BIRC6: variants seen among roughly 807,000 people sequenced by gnomAD.
BIRC6 encodes dual E2 ubiquitin-conjugating enzyme/E3 ubiquitin-protein ligase BIRC6.
Under a neutral mutation model 503.3 loss-of-function variants are expected in BIRC6, and 98 were observed. The observed-to-expected ratio is 0.19, with a 90% CI of 0.17 to 0.23. BIRC6 has a LOEUF of 0.23. Among genes scored for constraint, BIRC6 ranks in the 10% least tolerant of loss-of-function variants. The probability of loss-of-function intolerance (pLI) is 1.00; values close to 1 mark genes in which losing one functional copy is unlikely to be tolerated. For synonymous variants in BIRC6, 2,240 were observed against 2,078.7 expected (o/e 1.08, Z -2.11); for missense variants, 5,360 against 5,806.0 (o/e 0.92, Z 2.50).
chr2:32,493,435 A>C, intron 44 of BIRC6, 105 bp from the exon 45 acceptor site: 1 of 1,069,276 alleles, frequency 9.4e-7, no homozygotes, highest in Non-Finnish European at 1.3e-6. Context: ...TCGTACGAAA[A>C]GTTACAGTGT....
rs114170350 is a variant in BIRC6, at chr2:32,568,317, C to A, written c.13145-6839C>A. On this transcript the variant is annotated intron_variant, in intron 65 of 73. Coordinates refer to ENST00000421745, the MANE Select transcript of BIRC6 (RefSeq NM_016252.4). ...ACCAGCCTGGGCAACATGGTGAAACCCCAACTCTACGAAAAAATAGAAAAA... is the reference window on the plus strand; with the variant it reads ...ACCAGCCTGGGCAACATGGTGAAACACCAACTCTACGAAAAAATAGAAAAA... Among the ~76,000 whole-genome samples the A allele has an allele frequency of 5.6e-3, 837 of 149,148 alleles. 9 individuals are homozygous for A. Among genetic ancestry groups the A allele is most frequent in the African/African-American group, 0.019 (783 of 40,590 alleles).
chr2:32,502,796 G>C lies in BIRC6; in HGVS notation c.9209G>C (p.Gly3070Ala). Residue 3070 changes from glycine to alanine, a missense_variant and splice_region_variant, in exon 48 of 74, where the codon GGC becomes GCC. This residue lies in a region of BIRC6 where 267 missense variants were observed against 287.6 expected (regional missense o/e 0.93). Transcript: ENST00000421745. ...YMACGYMGRQGSLATCQLSEP... is the reference protein window; with the variant it reads ...YMACGYMGRQASLATCQLSEP... ...TAATATGCATATTTCATTTTTTAGG[G>C]CTCTCTTGCTACTTGCCAGTTATCT... 1.2e-6 allele frequency: 2 copies of C among 1,607,542 alleles called. No individual in the cohort carries two copies. The highest frequency in any genetic ancestry group is 3.3e-4 in the Middle Eastern group (2 of 6,018).
intron 1 of BIRC6, among the ~76,000 whole-genome samples, chr2:32,368,907 C>T (rs1409047466): frequency 6.6e-6 from 1 of 152,164 alleles, no homozygotes; most frequent in African/African-American, 2.4e-5. Context: ...CCTCCTTGGC[C>T]TCCCAAAGTG....
In BIRC6 at chr2:32,501,865, G is replaced by T. The variant is rs2053232217; in HGVS notation, c.9184G>T (p.Ala3062Ser). 1 of 1,611,100 alleles carries T rather than the reference G, an allele frequency of 6.2e-7. No individual in the cohort carries two copies. The highest frequency in any genetic ancestry group is 1.7e-5 in the Admixed American group (1 of 59,304). ...MMLQPILTYM[A>S]CGYMGRQGSL... ...GCTGCAGCCAATTTTAACATACATGGCCTGTGGATATATGGGCAGACAAGT... is the reference window on the plus strand; with the variant it reads ...GCTGCAGCCAATTTTAACATACATGTCCTGTGGATATATGGGCAGACAAGT... The change falls in exon 47 of 74, where the codon GCC becomes TCC. Residue 3062 changes from alanine to serine, a missense_variant. This residue lies in a region of BIRC6 where 267 missense variants were observed against 287.6 expected (regional missense o/e 0.93). Coordinates refer to ENST00000421745, the MANE Select transcript of BIRC6 (RefSeq NM_016252.4).
At chr2:32,495,864 G>GTC (rs1182357088) in intron 45 of BIRC6, among the ~76,000 whole-genome samples, 4 of 144,036 alleles carry the variant, frequency 2.8e-5, no homozygotes, top group Admixed American at 2.1e-4. Flanking sequence ...TTGAGACGGA[G>GTC]TCTCTCTCTG....
chr2:32,497,472 T>G (rs2052613688), intron 45 of BIRC6, among the ~76,000 whole-genome samples: 1 of 152,348 alleles, frequency 6.6e-6, no homozygotes, highest in Non-Finnish European at 1.5e-5. Flanking sequence ...TTTGGTAGCA[T>G]TTGCCATTGA....
Position 32,380,153 on chromosome 2 carries a change from G to T in BIRC6, c.508G>T (p.Ala170Ser). 1.3e-6 allele frequency: 2 copies of T among 1,492,474 alleles called. No individual in the cohort carries two copies. Among genetic ancestry groups the T allele is most frequent in the South Asian group, 2.7e-5 (2 of 73,974 alleles). The allele number at this position is 1,492,474 out of a possible 1,614,324, so 92.5% of individuals were successfully genotyped here. ...VVQLELPVTE[A>S]QQLLSACLEK... ...TTTTTATTTTTTATTTTTTATTTAG[G>T]CACAGCAGCTCTTATCAGCATGTTT... Residue 170 changes from alanine to serine, a missense_variant and splice_region_variant, in exon 3 of 74, where the codon GCA becomes TCA. Ala to Ser is a moderately conservative substitution (Grantham distance 99). Coordinates refer to ENST00000421745, the MANE Select transcript of BIRC6 (RefSeq NM_016252.4).
chr2:32,516,188 A>G (rs1338424366), intron 55 of BIRC6, among the ~76,000 whole-genome samples: 3 of 152,192 alleles, frequency 2.0e-5, no homozygotes, highest in Admixed American at 2.0e-4. Flanking sequence ...ATTAGGTTTC[A>G]GATAGGAGAC....
intron 71 of BIRC6, among the ~76,000 whole-genome samples, chr2:32,604,503 A>G (rs764095755): frequency 8.5e-5 from 13 of 152,212 alleles, no homozygotes; most frequent in Non-Finnish European, 1.8e-4. Context: ...TACTCTTCCA[A>G]AAAGGTAATG....
chr2:32,469,696 A>C, intron 30 of BIRC6, 82 bp downstream of exon 30: 1 of 1,233,252 alleles, frequency 8.1e-7, no homozygotes, highest in Non-Finnish European at 1.1e-6. Flanking sequence ...AAATCTTTGA[A>C]ATGTGGATAC....
rs1309910211 is a variant in BIRC6, at chr2:32,597,857, C to T, written c.13719C>T (p.Ala4573=). 1 of 1,613,826 alleles carries T rather than the reference C, an allele frequency of 6.2e-7. No individual in the cohort carries two copies. The highest frequency in any genetic ancestry group is 2.2e-5 in the East Asian group (1 of 44,866). The change falls in exon 69 of 74, where the codon GCC becomes GCT. Residue 4573 remains alanine (A), a synonymous_variant. Transcript: ENST00000421745. ...ATGCTAATGATGCGAACAGTGCTGCCAGAGCTCGCCGCCTTGCCCAGGAAG... is the reference window on the plus strand; with the variant it reads ...ATGCTAATGATGCGAACAGTGCTGCTAGAGCTCGCCGCCTTGCCCAGGAAG... ...VKNANDANSA[A]RARRLAQEAV...
chr2:32,439,209 AGTT>A (rs777254380), intron 15 of BIRC6, among the ~76,000 whole-genome samples: 3 of 151,156 alleles, frequency 2.0e-5, no homozygotes, highest in Non-Finnish European at 4.4e-5. Flanking sequence ...GTGTGTGTGT[AGTT>A]GATGACATTT....
chr2:32,519,154 A>G, intron 57 of BIRC6: 1 of 460,724 alleles, frequency 2.2e-6, no homozygotes, highest in Non-Finnish European at 3.9e-6. Flanking sequence ...TTTTTGGTTT[A>G]TTGTGTCACA....
At position 32,471,209 on chromosome 2, in the gene BIRC6, C is replaced by A. The variant is rs979202740; in HGVS notation, c.6592+85C>A. 7 of 1,506,736 alleles carry A rather than the reference C, an allele frequency of 4.6e-6. No homozygotes were observed. In the African/African-American group the frequency reaches 6.9e-5, roughly 15 times the overall value. 93.3% of individuals were successfully genotyped at this position (1,506,736 alleles called of 1,614,324 possible). ...GATTTTGAGTGACTTCGCAGTTGTT[C>A]CAGAACTGGCTATTGGCCTGGAGCT... On this transcript the variant is annotated intron_variant, in intron 32 of 73. Transcript: ENST00000421745.
At chr2:32,433,567 G>T in intron 12 of BIRC6, 77 bp from the exon 13 acceptor site, 1 of 1,284,840 alleles carries the variant, frequency 7.8e-7, no homozygotes, top group South Asian at 2.1e-5. Context: ...AAGTAGGAAA[G>T]GTGACCTTAA....
At chr2:32,591,368 TA>T (rs1042298390) in intron 66 of BIRC6, among the ~76,000 whole-genome samples, 1 of 152,112 alleles carries the variant, frequency 6.6e-6, no homozygotes, top group African/African-American at 2.4e-5. Flanking sequence ...TTAATTATGG[TA>T]AAAAAATAAA....
At chr2:32,405,534 C>A (rs1408466583) in intron 8 of BIRC6, among the ~76,000 whole-genome samples, 1 of 152,010 alleles carries the variant, frequency 6.6e-6, no homozygotes. Context: ...AGGCCAGGTG[C>A]GGTGGCTTAT....
intron 10 of BIRC6, among the ~76,000 whole-genome samples, chr2:32,427,427 A>T (rs1196454379): frequency 6.6e-6 from 1 of 151,896 alleles, no homozygotes; most frequent in Non-Finnish European, 1.5e-5. Context: ...AGGGGATTAC[A>T]GGCGCCTGCC....
At chr2:32,488,052 A>AC (rs5830230) in intron 41 of BIRC6, among the ~76,000 whole-genome samples, 152,303 of 152,304 alleles carry the variant, frequency 1, 76,151 homozygotes, top group Middle Eastern at 1. Flanking sequence ...GTGATTAGAG[A>AC]TTGAATCACA....
Sources: allele counts gnomAD v4.1 joint callset (sites outside exome capture counted in the v4.1 genomes callset), GRCh38; gene constraint gnomAD v4.1.1; regional missense constraint gnomAD v4.1.1; transcripts MANE v1.5; gene names NCBI Gene and HGNC (gene_info 2026-07-23, HGNC 2026-07-21).